The following BCKDHB variants were observed in gnomAD, a reference collection of about 807,000 sequenced individuals.
BCKDHB encodes the protein 2-oxoisovalerate dehydrogenase subunit beta, mitochondrial.
In BCKDHB, 41 loss-of-function variants were observed where a neutral mutation model predicts 48.5. That is an observed-to-expected ratio of 0.85 (90% CI 0.66 to 1.10). The LOEUF is 1.10. BCKDHB is among the 50% of genes least tolerant of loss of function. BCKDHB has a pLI of 0.00. For missense variants in BCKDHB, 496 were observed against 494.2 expected, an observed-to-expected ratio of 1.00 and a Z score of -0.03; for synonymous variants, 201 against 174.8, an observed-to-expected ratio of 1.15 and a Z score of -1.18.
At chr6:80,465,897 T>A in the BCKDHB span, 5 of 152,170 alleles carry the variant, frequency 3.3e-5, no homozygotes, top group African/African-American at 1.2e-4. Flanking sequence ...GAAGGGTAGA[T>A]GCTTTGTGTC....
the BCKDHB span, among the ~76,000 whole-genome samples, chr6:80,384,311 T>G: frequency 6.6e-6 from 1 of 151,692 alleles, no homozygotes; most frequent in Non-Finnish European, 1.5e-5. Context: ...TTTCTGCCCT[T>G]GAACATCGGA....
At chr6:80,273,274 T>C in intron 9 of BCKDHB, 53 bp downstream of exon 9, 1 of 1,404,988 alleles carries the variant, frequency 7.1e-7, no homozygotes, top group Non-Finnish European at 1.0e-6. Flanking sequence ...CACATGCCAA[T>C]TCCAGAAGAA....
At chr6:80,381,644 A>G in the BCKDHB span, among the ~76,000 whole-genome samples, 18 of 152,156 alleles carry the variant, frequency 1.2e-4, no homozygotes, top group East Asian at 3.5e-3. Flanking sequence ...ATTTTATTAA[A>G]TTATGCTTCT....
chr6:80,224,461 C>T (rs1157713824), intron 8 of BCKDHB, among the ~76,000 whole-genome samples: 1 of 151,988 alleles, frequency 6.6e-6, no homozygotes, highest in Non-Finnish European at 1.5e-5. Context: ...GGCACAATCT[C>T]AGCTCACTGC....
In BCKDHB at chr6:80,187,395, G is replaced by A. The variant is rs549913279; in HGVS notation, c.743-13539G>A. On this transcript the variant is annotated intron_variant, in intron 6 of 9. Coordinates refer to ENST00000320393, the MANE Select transcript of BCKDHB (RefSeq NM_183050.4). ...TTAAACCTAAGCTTTTATTTAGAAT[G>A]TTGGGGGCATGAGAACTAATTAGAA... 2.6e-4 allele frequency among the ~76,000 whole-genome samples: 40 copies of A among 152,050 alleles called. 1 individual carries two copies. The highest frequency in any genetic ancestry group is 1.6e-3 in the Admixed American group (24 of 15,262).
intron 1 of BCKDHB, among the ~76,000 whole-genome samples, chr6:80,107,146 G>A (rs1027850639): frequency 3.3e-5 from 5 of 151,812 alleles, no homozygotes; most frequent in African/African-American, 9.7e-5. Flanking sequence ...CTGCCACCTG[G>A]AAGAGCCTGA....
At chr6:80,238,129 G>A (rs924928862) in intron 8 of BCKDHB, among the ~76,000 whole-genome samples, 3 of 151,810 alleles carry the variant, frequency 2.0e-5, no homozygotes, top group African/African-American at 7.3e-5. Flanking sequence ...TGAGAGTCTC[G>A]CTCTGTCACC....
At chr6:80,261,181 C>A (rs1777285018) in intron 8 of BCKDHB, among the ~76,000 whole-genome samples, 1 of 152,136 alleles carries the variant, frequency 6.6e-6, no homozygotes, top group Non-Finnish European at 1.5e-5. Context: ...AAGTTGTTGT[C>A]ACACTGGGAA....
the BCKDHB span, among the ~76,000 whole-genome samples, chr6:80,446,720 ATT>A: frequency 6.7e-3 from 751 of 111,322 alleles, 9 homozygotes; most frequent in African/African-American, 0.023. Flanking sequence ...CTTCTGGACA[ATT>A]TTTTTTTTTT....
intron 8 of BCKDHB, among the ~76,000 whole-genome samples, chr6:80,270,341 T>G (rs1777684803): frequency 6.6e-6 from 1 of 152,134 alleles, no homozygotes; most frequent in South Asian, 2.1e-4. Context: ...GAATCATAAG[T>G]GCTTTCCAAA....
chr6:80,138,908 T>C (rs1318925932), intron 3 of BCKDHB, among the ~76,000 whole-genome samples: 21 of 152,144 alleles, frequency 1.4e-4, no homozygotes, highest in East Asian at 3.9e-4. Flanking sequence ...AACTAGTTTA[T>C]AGTCCCAGCA....
At chr6:80,384,475 C>G in the BCKDHB span, among the ~76,000 whole-genome samples, 3 of 152,116 alleles carry the variant, frequency 2.0e-5, no homozygotes, top group Non-Finnish European at 4.4e-5. Flanking sequence ...TCTCCTGACT[C>G]AGCCTCATGA....
intron 8 of BCKDHB, among the ~76,000 whole-genome samples, chr6:80,215,807 G>A (rs1775145484): frequency 1.3e-5 from 2 of 152,148 alleles, no homozygotes; most frequent in African/African-American, 4.8e-5. Flanking sequence ...GCAGTGGCAC[G>A]ATCTCCACAC....
At chr6:80,113,941 A>G (rs1287440565) in intron 1 of BCKDHB, among the ~76,000 whole-genome samples, 1 of 152,192 alleles carries the variant, frequency 6.6e-6, no homozygotes, top group East Asian at 1.9e-4. Flanking sequence ...GTGAAGTTAC[A>G]AAGTTATACT....
intron 8 of BCKDHB, among the ~76,000 whole-genome samples, chr6:80,206,146 A>G (rs1388910909): frequency 6.6e-6 from 1 of 152,134 alleles, no homozygotes; most frequent in Non-Finnish European, 1.5e-5. Flanking sequence ...ACAAAGACCC[A>G]TCATACTCTC....
chr6:80,430,747 T>C, the BCKDHB span, among the ~76,000 whole-genome samples: 598 of 152,326 alleles, frequency 3.9e-3, 6 homozygotes, highest in African/African-American at 0.013. Flanking sequence ...TCTATCTATT[T>C]TGTTGATCTT....
At chr6:80,227,138 A>C (rs1357480762) in intron 8 of BCKDHB, among the ~76,000 whole-genome samples, 2 of 152,248 alleles carry the variant, frequency 1.3e-5, no homozygotes, top group Admixed American at 1.3e-4. Flanking sequence ...ATTAAACAAA[A>C]TACTCTACAT....
intron 9 of BCKDHB, among the ~76,000 whole-genome samples, chr6:80,331,482 C>T (rs1769312950): frequency 6.6e-6 from 1 of 152,114 alleles, no homozygotes; most frequent in Non-Finnish European, 1.5e-5. Context: ...CCACTTCAAC[C>T]AGATGTTGAT....
chr6:80,256,980 AG>A (rs953629825), intron 8 of BCKDHB, among the ~76,000 whole-genome samples: 5 of 152,188 alleles, frequency 3.3e-5, no homozygotes, highest in Non-Finnish European at 5.9e-5. Context: ...TTCCTGATGC[AG>A]TTTTATAGTT....
Sources: gnomAD v4.1 joint callset for allele counts (sites outside exome capture counted in the v4.1 genomes callset) on GRCh38, gnomAD v4.1.1 for gene constraint, MANE v1.5 for transcripts, NCBI Gene and HGNC (gene_info 2026-07-23, HGNC 2026-07-21) for gene names.